FAT3: variants seen among roughly 807,000 people sequenced by gnomAD.
FAT3 encodes the protein FAT atypical cadherin 3, also known as protocadherin Fat 3.
Under a neutral mutation model 310.2 loss-of-function variants are expected in FAT3, and 95 were observed. That is an observed-to-expected ratio of 0.31 (90% confidence interval 0.26 to 0.36). The LOEUF (loss-of-function observed/expected upper bound fraction) is 0.36. Ranked by LOEUF, FAT3 falls within the 10% of genes least tolerant of loss-of-function variation. FAT3 has a pLI of 1.00. For synonymous variants in FAT3, 2,314 were observed against 2,192.9 expected, an observed-to-expected ratio of 1.06 and a Z score of -1.54; for missense variants, 5,408 against 5,715.6, an observed-to-expected ratio of 0.95 and a Z score of 1.74.
intron 4 of FAT3, among the ~76,000 whole-genome samples, chr11:92,758,441 G>C (rs1480873158): frequency 6.6e-6 from 1 of 152,170 alleles, no homozygotes; most frequent in African/African-American, 2.4e-5. Flanking sequence ...GGCATTCCAT[G>C]AAGACAAATG....
intron 2 of FAT3, among the ~76,000 whole-genome samples, chr11:92,496,811 T>C (rs777982836): frequency 2.8e-4 from 43 of 151,572 alleles, no homozygotes; most frequent in Admixed American, 6.6e-4. Context: ...GAGAGTTGAG[T>C]TTTAAGAGAC....
chr11:92,599,168 A>G (rs1276173456), intron 3 of FAT3, among the ~76,000 whole-genome samples: 1 of 152,188 alleles, frequency 6.6e-6, no homozygotes, highest in Non-Finnish European at 1.5e-5. Flanking sequence ...TGCTGCTGAT[A>G]AAGACATACC....
At chr11:92,736,567 G>T (rs916732731) in intron 4 of FAT3, among the ~76,000 whole-genome samples, 8 of 152,142 alleles carry the variant, frequency 5.3e-5, no homozygotes, top group African/African-American at 1.7e-4. Flanking sequence ...ACACAAGACT[G>T]CTAGGAAAAT....
chr11:92,770,560 A>G (rs889067329), intron 6 of FAT3, among the ~76,000 whole-genome samples: 1 of 152,160 alleles, frequency 6.6e-6, no homozygotes, highest in Non-Finnish European at 1.5e-5. Context: ...AACTCCCTGA[A>G]TTCATTGAGG....
chr11:92,257,535 A>T lies in FAT3; in HGVS notation c.-18+32361A>T, dbSNP rs1464323994. On this transcript the variant is annotated intron_variant, in intron 1 of 27. Coordinates refer to ENST00000525166, the MANE Select transcript of FAT3 (RefSeq NM_001367949.2). ...TAGGCAGGAAAAAATTGCCTAAAAA[A>T]ATATCGACAAAATGTGAAGCGTACA... Among the ~76,000 whole-genome samples, 16 of 152,224 alleles carry T rather than the reference A, an allele frequency of 1.1e-4. 1 individual carries two copies. Among genetic ancestry groups the T allele is most frequent in the Admixed American group, 3.9e-4 (6 of 15,272 alleles).
chr11:92,756,490 ATACAATAGCC>A lies in FAT3; in HGVS notation c.3670-5364_3670-5355del, dbSNP rs1218667785. On this transcript the variant is annotated intron_variant, in intron 4 of 27. Coordinates refer to ENST00000525166, the MANE Select transcript of FAT3 (RefSeq NM_001367949.2). ...TCTGAAGAATGATTTTCCATTATAAATACAATAGCCTGGAAATAATCATTTGTGGTGAATT... is the reference window on the plus strand; with the variant it reads ...TCTGAAGAATGATTTTCCATTATAAATGGAAATAATCATTTGTGGTGAATT... Among the ~76,000 whole-genome samples, 12 of 152,228 alleles carry A rather than the reference ATACAATAGCC, an allele frequency of 7.9e-5. 1 individual carries two copies.
chr11:92,306,337 A>G (rs1947114125), intron 1 of FAT3, among the ~76,000 whole-genome samples: 1 of 150,678 alleles, frequency 6.6e-6, no homozygotes, highest in African/African-American at 2.4e-5. Flanking sequence ...GGGTGCTCTT[A>G]GTAGAGTCCA....
At chr11:92,485,832 G>A (rs1302788809) in intron 2 of FAT3, among the ~76,000 whole-genome samples, 1 of 152,130 alleles carries the variant, frequency 6.6e-6, no homozygotes, top group Non-Finnish European at 1.5e-5. Flanking sequence ...AACCCCTAAT[G>A]ATTTGATGAC....
intron 2 of FAT3, among the ~76,000 whole-genome samples, chr11:92,358,800 C>T (rs1332281984): frequency 6.6e-6 from 1 of 152,002 alleles, no homozygotes; most frequent in Non-Finnish European, 1.5e-5. Flanking sequence ...TTTTTTGCTT[C>T]CAAGTGCTAA....
chr11:92,584,169 A>G (rs559833104), intron 3 of FAT3, among the ~76,000 whole-genome samples: 4 of 152,062 alleles, frequency 2.6e-5, no homozygotes, highest in Admixed American at 1.3e-4. Flanking sequence ...AATGACAGCT[A>G]TTACTGTTGT....
chr11:92,881,669 A>C (rs1949673768), intron 23 of FAT3, among the ~76,000 whole-genome samples: 1 of 152,214 alleles, frequency 6.6e-6, no homozygotes, highest in Non-Finnish European at 1.5e-5. Context: ...TACCAAAAAT[A>C]TAGGTGATTG....
chr11:92,677,478 A>AGTT (rs1346332209), intron 3 of FAT3, among the ~76,000 whole-genome samples: 3 of 152,246 alleles, frequency 2.0e-5, no homozygotes, highest in Admixed American at 6.5e-5. Context: ...TGATGGCAGC[A>AGTT]GTTACATCCA....
intron 4 of FAT3, among the ~76,000 whole-genome samples, chr11:92,730,846 G>C (rs770920266): frequency 6.6e-6 from 1 of 152,040 alleles, no homozygotes; most frequent in Non-Finnish European, 1.5e-5. Flanking sequence ...TTTTAATCAT[G>C]TAGTTTTTAA....
intron 2 of FAT3, among the ~76,000 whole-genome samples, chr11:92,510,137 A>C (rs1953243780): frequency 6.6e-6 from 1 of 152,122 alleles, no homozygotes; most frequent in Non-Finnish European, 1.5e-5. Flanking sequence ...ATCTAACTGA[A>C]ATCTGTTGTG....
At chr11:92,789,131 G>A (rs1355868967) in intron 7 of FAT3, among the ~76,000 whole-genome samples, 1 of 152,116 alleles carries the variant, frequency 6.6e-6, no homozygotes, top group Non-Finnish European at 1.5e-5. Flanking sequence ...TGCAGCAATG[G>A]TATTGTGTGT....
At chr11:92,792,596 A>G (rs187178807) in intron 8 of FAT3, among the ~76,000 whole-genome samples, 171 bp from the exon 9 acceptor site, 14 of 152,284 alleles carry the variant, frequency 9.2e-5, no homozygotes, top group South Asian at 6.2e-4. Flanking sequence ...TTTGCTCACA[A>G]TGTTTCCTCA....
chr11:92,422,213 C>A (rs1950546519), intron 2 of FAT3, among the ~76,000 whole-genome samples: 1 of 152,116 alleles, frequency 6.6e-6, no homozygotes, highest in Non-Finnish European at 1.5e-5. Context: ...AGTTTGCTTT[C>A]TTTATTTCAC....
chr11:92,879,573 A>C (rs953323948), intron 22 of FAT3, among the ~76,000 whole-genome samples: 1 of 152,314 alleles, frequency 6.6e-6, no homozygotes, highest in East Asian at 1.9e-4. Context: ...AATACAATCG[A>C]GCTTACTACA....
intron 3 of FAT3, among the ~76,000 whole-genome samples, chr11:92,679,580 C>T (rs958130736): frequency 9.9e-5 from 15 of 151,898 alleles, no homozygotes; most frequent in African/African-American, 3.6e-4. Context: ...CGGTGGCTCA[C>T]GCCTGTAATC....
Sources: gnomAD v4.1 joint callset for allele counts (sites outside exome capture counted in the v4.1 genomes callset) on GRCh38, gnomAD v4.1.1 for gene constraint, MANE v1.5 for transcripts, NCBI Gene and HGNC (gene_info 2026-07-23, HGNC 2026-07-21) for gene names.